Variants in CDH4 observed in about 807,000 individuals in gnomAD.
The protein encoded by CDH4 is cadherin 4, also known as cadherin-4.
In CDH4, 33 loss-of-function variants were observed where a neutral mutation model predicts 86.0. The observed-to-expected ratio is 0.38, with a 90% CI of 0.29 to 0.51. The LOEUF (loss-of-function observed/expected upper bound fraction) is 0.51, where lower values mean the gene tolerates loss of function less well. Ranked by LOEUF, CDH4 falls within the 20% of genes least tolerant of loss-of-function variation. The pLI is 0.86. For synonymous variants in CDH4, 555 were observed against 549.4 expected (o/e 1.01, Z -0.14); for missense variants, 1,114 against 1,307.4 (o/e 0.85, Z 2.28).
chr20:61,690,862 C>T (rs754766927), intron 2 of CDH4, among the ~76,000 whole-genome samples: 1 of 152,018 alleles, frequency 6.6e-6, no homozygotes, highest in African/African-American at 2.4e-5. Flanking sequence ...AGGGAAAAGC[C>T]AGGTCCAAGC....
chr20:61,479,812 G>A (rs1319579321), intron 2 of CDH4, among the ~76,000 whole-genome samples: 1 of 152,160 alleles, frequency 6.6e-6, no homozygotes, highest in Non-Finnish European at 1.5e-5. Context: ...CCTCCTTTGG[G>A]AACCCTAATG....
chr20:61,349,568 C>T (rs1334994057), intron 2 of CDH4, among the ~76,000 whole-genome samples: 1 of 152,164 alleles, frequency 6.6e-6, no homozygotes, highest in Non-Finnish European at 1.5e-5. Flanking sequence ...GGCTGATGTC[C>T]CCGTTGCTGG....
chr20:61,575,958 C>G (rs946111303), intron 2 of CDH4, among the ~76,000 whole-genome samples: 1 of 152,132 alleles, frequency 6.6e-6, no homozygotes, highest in East Asian at 1.9e-4. Context: ...AGGTGGCTAC[C>G]TCAAGGGCTT....
At position 61,335,679 on chromosome 20, in the gene CDH4, G is replaced by A. The variant is rs536458827; in HGVS notation, c.169+80742G>A. ...AACTCCCTCCATGGAGGGCATCTGA[G>A]TTCACCTTTAGAGAAGGAGAGCATA... On this transcript the variant is annotated intron_variant, in intron 2 of 15. Transcript: ENST00000614565. Among the ~76,000 whole-genome samples the A allele has an allele frequency of 9.8e-5, 15 of 152,304 alleles. No homozygotes were observed. In the South Asian group the frequency reaches 2.5e-3, roughly 25 times the overall value.
At chr20:61,497,153 A>AT (rs926945356) in intron 2 of CDH4, among the ~76,000 whole-genome samples, 2 of 151,666 alleles carry the variant, frequency 1.3e-5, no homozygotes, top group African/African-American at 2.4e-5. Flanking sequence ...TTGAACCTTG[A>AT]TTTTTTTCCC....
intron 2 of CDH4, among the ~76,000 whole-genome samples, chr20:61,547,482 G>C (rs2086097237): frequency 6.6e-6 from 1 of 151,700 alleles, no homozygotes; most frequent in Non-Finnish European, 1.5e-5. Context: ...CCAAAGTGCT[G>C]GGATTACAGG....
chr20:61,741,075 G>A (rs927708554), intron 2 of CDH4, among the ~76,000 whole-genome samples: 1 of 152,176 alleles, frequency 6.6e-6, no homozygotes, highest in South Asian at 2.1e-4. Flanking sequence ...TGGGCATGGT[G>A]GTGCACGCCT....
At chr20:61,840,680 G>A (rs1982122673) in intron 4 of CDH4, among the ~76,000 whole-genome samples, 1 of 152,234 alleles carries the variant, frequency 6.6e-6, no homozygotes, top group African/African-American at 2.4e-5. Flanking sequence ...ACGGCCCATC[G>A]TGGGCTTCTG....
At chr20:61,767,149 G>T (rs1364924369) in intron 3 of CDH4, among the ~76,000 whole-genome samples, 4 of 152,282 alleles carry the variant, frequency 2.6e-5, no homozygotes, top group South Asian at 2.1e-4. Context: ...CAGGACTCAG[G>T]AAGGTGTCCC....
At chr20:61,896,761 G>C (rs954809283) in intron 8 of CDH4, among the ~76,000 whole-genome samples, 26 of 152,230 alleles carry the variant, frequency 1.7e-4, no homozygotes, top group Admixed American at 3.3e-4. Context: ...GGCTGCCGGG[G>C]AGTCTGGACA....
intron 8 of CDH4, among the ~76,000 whole-genome samples, chr20:61,907,908 C>G (rs536991923): frequency 6.6e-6 from 1 of 152,242 alleles, no homozygotes; most frequent in East Asian, 1.9e-4. Flanking sequence ...AGGAAGGGCT[C>G]CTGCTCCACA....
At chr20:61,318,612 G>A (rs182297899) in intron 2 of CDH4, among the ~76,000 whole-genome samples, 8 of 152,306 alleles carry the variant, frequency 5.3e-5, no homozygotes, top group Admixed American at 1.3e-4. Context: ...GGCCTGGTTC[G>A]TGCCCAGGAG....
chr20:61,637,980 G>T (rs532831197), intron 2 of CDH4, among the ~76,000 whole-genome samples: 1 of 150,512 alleles, frequency 6.6e-6, no homozygotes, highest in African/African-American at 2.5e-5. Flanking sequence ...GCAGTGAGCC[G>T]AGATCGTGCC....
At chr20:61,495,177 G>A (rs1281357068) in intron 2 of CDH4, among the ~76,000 whole-genome samples, 2 of 152,212 alleles carry the variant, frequency 1.3e-5, no homozygotes, top group South Asian at 2.1e-4. Flanking sequence ...CGGTGGCCTC[G>A]TCCGTTTCAT....
chr20:61,499,701 C>T (rs1200977204), intron 2 of CDH4, among the ~76,000 whole-genome samples: 12 of 152,232 alleles, frequency 7.9e-5, no homozygotes, highest in African/African-American at 2.4e-4. Context: ...GGCAGGAACA[C>T]GGGGGTGTCA....
intron 2 of CDH4, among the ~76,000 whole-genome samples, chr20:61,682,968 A>G (rs1007304127): frequency 2.6e-5 from 4 of 152,058 alleles, no homozygotes; most frequent in Admixed American, 1.3e-4. Flanking sequence ...ATAAGAACCA[A>G]TTGTGAATGG....
chr20:61,743,767 C>T lies in CDH4; in HGVS notation c.374C>T (p.Ser125Leu), dbSNP rs61737806. The change falls in exon 3 of 16, where the codon TCG (serine) becomes TTG (leucine). Residue 125 changes from serine (S) to leucine (L), a missense_variant. Ser to Leu is a moderately radical substitution (Grantham distance 145). Coordinates refer to ENST00000614565, the MANE Select transcript of CDH4 (RefSeq NM_001794.5). ...AVVRLLVAQT[S>L]SPHSGHKPQK... Reference sequence around the variant, plus strand: ...GTGCGGTTGCTGGTGGCCCAGACCTCGTCCCCGCACTCTGGACACAAGGTA... The same window carrying T: ...GTGCGGTTGCTGGTGGCCCAGACCTTGTCCCCGCACTCTGGACACAAGGTA... 1.2e-5 allele frequency: 19 copies of T among 1,604,462 alleles called. No homozygotes were observed. The highest frequency in any genetic ancestry group is 6.7e-5 in the East Asian group (3 of 44,524).
chr20:61,800,861 A>G (rs1171346574), intron 4 of CDH4, among the ~76,000 whole-genome samples: 1 of 152,168 alleles, frequency 6.6e-6, no homozygotes, highest in Non-Finnish European at 1.5e-5. Flanking sequence ...GGCACTCCAC[A>G]TCCTTAGAGC....
chr20:61,830,777 C>T (rs35440613), intron 4 of CDH4, among the ~76,000 whole-genome samples: 67,060 of 152,126 alleles, frequency 0.44, 16,826 homozygotes, highest in Non-Finnish European at 0.58. Context: ...CATTTACTTC[C>T]GCTTCTGGGC....
Sources: gnomAD v4.1 joint callset for allele counts (sites outside exome capture counted in the v4.1 genomes callset) on GRCh38, gnomAD v4.1.1 for gene constraint, MANE v1.5 for transcripts, NCBI Gene and HGNC (gene_info 2026-07-23, HGNC 2026-07-21) for gene names.